GSE1: variants seen among roughly 807,000 people sequenced by gnomAD.
GSE1 encodes Gse1 coiled-coil protein.
Under a neutral mutation model 112.6 loss-of-function variants are expected in GSE1, and 32 were observed. The observed-to-expected ratio is 0.28, with a 90% CI of 0.21 to 0.38. The LOEUF is 0.38. Among genes scored for constraint, GSE1 ranks in the 10% least tolerant of loss-of-function variants. The pLI is 1.00. For synonymous variants in GSE1, 1,115 were observed against 735.6 expected (o/e 1.52, Z -8.35); for missense variants, 2,348 against 1,699.2 (o/e 1.38, Z -6.71).
intron 1 of GSE1, among the ~76,000 whole-genome samples, chr16:85,231,335 A>G (rs1904283884): frequency 6.6e-6 from 1 of 150,650 alleles, no homozygotes; most frequent in African/African-American, 2.5e-5. Context: ...GGACAGATGG[A>G]TGGATGGACA....
rs116876393 is a variant in GSE1 at position 85,618,472 on chromosome 16, G to C, written c.7+5074G>C. Among the ~76,000 whole-genome samples the C allele has an allele frequency of 1.3e-3, 197 of 152,322 alleles. 2 individuals carry two copies. The South Asian group carries it at 0.033, about 26-fold the overall frequency. The stretch of plus-strand genomic sequence containing the variant: ...TGTCGATCAGTGCATCTGACTGTTC[G>C]TATCTGCCTCTTGCTTAGCCTGTGT... On this transcript the variant is annotated intron_variant, in intron 1 of 15. Transcript: ENST00000253458.
At chr16:85,545,124 C>T (rs969465453) in intron 2 of GSE1, among the ~76,000 whole-genome samples, 3 of 152,328 alleles carry the variant, frequency 2.0e-5, no homozygotes, top group South Asian at 4.1e-4. Context: ...AAAAGTGGCC[C>T]GTCTGCGTCC....
intron 2 of GSE1, among the ~76,000 whole-genome samples, chr16:85,478,032 A>C (rs980235884): frequency 6.6e-6 from 1 of 151,596 alleles, no homozygotes; most frequent in East Asian, 1.9e-4. Flanking sequence ...CGCGCTCCTC[A>C]TTTCTGCACC....
intron 1 of GSE1, among the ~76,000 whole-genome samples, chr16:85,605,501 C>G (rs1485539427): frequency 2.0e-5 from 3 of 152,094 alleles, no homozygotes; most frequent in African/African-American, 7.3e-5. Flanking sequence ...GTCCCAGGCA[C>G]TGGGCATGGC....
At chr16:85,217,362 G>T (rs556386480) in intron 1 of GSE1, among the ~76,000 whole-genome samples, 1 of 152,348 alleles carries the variant, frequency 6.6e-6, no homozygotes, top group African/African-American at 2.4e-5. Flanking sequence ...AGCCTGGTCA[G>T]GTGGGCCAGA....
chr16:85,188,330 C>T (rs1250786712), intron 1 of GSE1, among the ~76,000 whole-genome samples: 1 of 152,226 alleles, frequency 6.6e-6, no homozygotes, highest in African/African-American at 2.4e-5. Flanking sequence ...GTGTGTGTCA[C>T]AGGCTGTAGT....
chr16:85,236,247 G>A (rs1200520034), intron 1 of GSE1, among the ~76,000 whole-genome samples: 4 of 152,214 alleles, frequency 2.6e-5, no homozygotes, highest in Non-Finnish European at 5.9e-5. Context: ...GTGAAGGGCC[G>A]GGTCCTAGGG....
At chr16:85,178,810 A>G (rs2143257512) in intron 1 of GSE1, among the ~76,000 whole-genome samples, 1 of 145,892 alleles carries the variant, frequency 6.9e-6, no homozygotes, top group Non-Finnish European at 1.5e-5. Flanking sequence ...TGCCGTCTGC[A>G]CAGTGACGAG....
intron 1 of GSE1, among the ~76,000 whole-genome samples, chr16:85,617,103 G>T (rs773450401): frequency 6.6e-6 from 1 of 152,196 alleles, no homozygotes; most frequent in Non-Finnish European, 1.5e-5. Flanking sequence ...GGGCCATCCC[G>T]TCTGCCTGGG....
chr16:85,264,494 C>T (rs1211394410), intron 1 of GSE1, among the ~76,000 whole-genome samples: 2 of 152,110 alleles, frequency 1.3e-5, no homozygotes, highest in Admixed American at 1.3e-4. Flanking sequence ...CGCCTCCCTC[C>T]TCGGCCGACT....
rs566320077 is a variant in GSE1 at position 85,418,188 on chromosome 16, G to A, written c.2464+60545G>A. Among the ~76,000 whole-genome samples, 85 of 152,376 alleles carry A rather than the reference G, an allele frequency of 5.6e-4. 1 individual carries two copies. Among genetic ancestry groups the A allele is most frequent in the African/African-American group, 1.9e-3 (79 of 41,588 alleles). On this transcript the variant is annotated intron_variant, in intron 2 of 2. Transcript: ENST00000637419. The stretch of plus-strand genomic sequence containing the variant: ...CATTGGCCCAAGGGCCACATTGCGA[G>A]TCACCATGCCAGACGGAGGCAGGTT...
chr16:85,393,511 T>G (rs775830101), intron 2 of GSE1, among the ~76,000 whole-genome samples: 5 of 152,198 alleles, frequency 3.3e-5, no homozygotes, highest in Non-Finnish European at 5.9e-5. Flanking sequence ...GCCTCTCATA[T>G]TGACACCATC....
chr16:85,647,832 G>A (rs1036111111), intron 2 of GSE1, among the ~76,000 whole-genome samples: 81 of 152,270 alleles, frequency 5.3e-4, no homozygotes, highest in Middle Eastern at 3.4e-3. Flanking sequence ...TGATCTGTCT[G>A]CCTCGGCCTC....
chr16:85,223,727 C>G (rs1201844189), intron 1 of GSE1, among the ~76,000 whole-genome samples: 3 of 151,816 alleles, frequency 2.0e-5, no homozygotes, highest in South Asian at 4.2e-4. Context: ...GCCTCAACCT[C>G]CCGATTAGCT....
chr16:85,326,602 C>G (rs2046232508), intron 1 of GSE1, among the ~76,000 whole-genome samples: 1 of 152,238 alleles, frequency 6.6e-6, no homozygotes, highest in Non-Finnish European at 1.5e-5. Flanking sequence ...TCTGCTTCCC[C>G]TTCTGCCATG....
At chr16:85,372,214 C>A (rs979036267) in intron 2 of GSE1, among the ~76,000 whole-genome samples, 1 of 152,116 alleles carries the variant, frequency 6.6e-6, no homozygotes, top group Non-Finnish European at 1.5e-5. Context: ...GAACCCCTGG[C>A]GGGCGCGGTG....
intron 2 of GSE1, among the ~76,000 whole-genome samples, chr16:85,636,081 CT>C (rs1404840800): frequency 1.8e-4 from 28 of 152,266 alleles, no homozygotes; most frequent in Non-Finnish European, 4.0e-4. Flanking sequence ...CTGGGCGCCC[CT>C]GGCGGGAGGC....
chr16:85,262,391 C>G (rs555875098), intron 1 of GSE1, among the ~76,000 whole-genome samples: 2 of 152,234 alleles, frequency 1.3e-5, no homozygotes, highest in South Asian at 2.1e-4. Flanking sequence ...GAGTTTGCAT[C>G]GCTTTTGACA....
In GSE1 at chr16:85,663,459, C is replaced by G. The variant is rs2052594286; in HGVS notation, c.2489C>G (p.Pro830Arg). The change falls in exon 11 of 16, where the codon CCA becomes CGA. Residue 830 changes from proline to arginine, a missense_variant. By Grantham distance (103) the Pro-to-Arg change is moderately radical. Coordinates refer to ENST00000253458, the MANE Select transcript of GSE1 (RefSeq NM_014615.5). ...RMLRERSPSP[P>R]TIQSKRQTPS... ...CTGCGAGAGAGAAGCCCGTCGCCCCCAACAATTCAGAGCAAGCGGCAGACG... is the reference window on the plus strand; with the variant it reads ...CTGCGAGAGAGAAGCCCGTCGCCCCGAACAATTCAGAGCAAGCGGCAGACG... 1 of 1,613,854 alleles carries G rather than the reference C, an allele frequency of 6.2e-7. No homozygotes were observed. Among genetic ancestry groups the G allele is most frequent in the Non-Finnish European group, 8.5e-7 (1 of 1,180,048 alleles).
Sources: gnomAD v4.1 joint callset for allele counts (sites outside exome capture counted in the v4.1 genomes callset) on GRCh38, gnomAD v4.1.1 for gene constraint, MANE v1.5 for transcripts, NCBI Gene and HGNC (gene_info 2026-07-23, HGNC 2026-07-21) for gene names.